The following EDC3 variants were observed in gnomAD, a reference collection of about 807,000 sequenced individuals.
EDC3 encodes the protein enhancer of mRNA-decapping protein 3.
A neutral mutation model predicts 41.8 loss-of-function variants in EDC3; 20 were observed. The observed-to-expected ratio is 0.48, with a 90% CI of 0.34 to 0.70. The LOEUF (loss-of-function observed/expected upper bound fraction) is 0.70. Among genes scored for constraint, EDC3 ranks in the 30% least tolerant of loss-of-function variants. EDC3 has a pLI of 0.01. For missense variants in EDC3, 444 were observed against 636.8 expected (o/e 0.70, Z 3.26); for synonymous variants, 206 against 243.2 (o/e 0.85, Z 1.42).
chr15:74,641,810 C>T (rs912125812), intron 4 of EDC3: 1 of 153,112 alleles, frequency 6.5e-6, no homozygotes. Context: ...TTCGCCTTCT[C>T]AACTTGTTCC....
chr15:74,684,658 G>A (rs1340404971), intron 1 of EDC3, among the ~76,000 whole-genome samples: 1 of 151,100 alleles, frequency 6.6e-6, no homozygotes. Context: ...AAATAATAAA[G>A]TTAAATAAGA....
chr15:74,678,881 C>T (rs1474374554), intron 1 of EDC3, among the ~76,000 whole-genome samples: 1 of 138,928 alleles, frequency 7.2e-6, no homozygotes, highest in Non-Finnish European at 1.5e-5. Context: ...CAGAGCGAGA[C>T]TCCGTCTCAG....
At chr15:74,687,506 T>C (rs940767220) in intron 1 of EDC3, among the ~76,000 whole-genome samples, 14 of 152,140 alleles carry the variant, frequency 9.2e-5, no homozygotes, top group Non-Finnish European at 8.8e-5. Context: ...GCCTCCTGAG[T>C]AGCTGGGACT....
At chr15:74,635,022 C>T in intron 6 of EDC3, 1 of 463,972 alleles carries the variant, frequency 2.2e-6, no homozygotes, top group Non-Finnish European at 4.3e-6. Flanking sequence ...GCCTCCTTTC[C>T]CTGCTTTGTT....
chr15:74,648,926 A>T (rs367974152), intron 4 of EDC3, among the ~76,000 whole-genome samples: 2 of 151,896 alleles, frequency 1.3e-5, no homozygotes, highest in African/African-American at 4.8e-5. Flanking sequence ...AATTCTAGTC[A>T]TTTTTTTTAA....
intron 5 of EDC3, 115 bp from the exon 6 acceptor site, chr15:74,635,741 C>G: frequency 1.0e-6 from 1 of 987,858 alleles, no homozygotes; most frequent in East Asian, 2.6e-5. Flanking sequence ...CCACTGCTCA[C>G]CAAGTCCCAG....
At chr15:74,636,060 C>G (rs573152455) in intron 5 of EDC3, 1 of 171,860 alleles carries the variant, frequency 5.8e-6, no homozygotes, top group African/African-American at 2.4e-5. Context: ...CCCAGAAAGC[C>G]TTTCACTTTC....
intron 1 of EDC3, among the ~76,000 whole-genome samples, chr15:74,686,460 C>G (rs528234715): frequency 9.2e-5 from 14 of 152,078 alleles, no homozygotes; most frequent in African/African-American, 2.9e-4. Flanking sequence ...GCACTCCAGC[C>G]TGGGCAACAA....
intron 6 of EDC3, among the ~76,000 whole-genome samples, chr15:74,634,223 G>C (rs1567151121): frequency 1.3e-5 from 2 of 152,018 alleles, no homozygotes; most frequent in African/African-American, 4.8e-5. Context: ...CCTAGAACGG[G>C]GCTTGCTGAC....
At chr15:74,676,384 C>G (rs1422016506) in intron 1 of EDC3, among the ~76,000 whole-genome samples, 22 of 151,944 alleles carry the variant, frequency 1.4e-4, no homozygotes, top group Non-Finnish European at 2.9e-5. Context: ...GAAAGGAAAT[C>G]AAGAGCAGAA....
At chr15:74,677,377 T>C (rs1684327172) in intron 1 of EDC3, among the ~76,000 whole-genome samples, 1 of 149,862 alleles carries the variant, frequency 6.7e-6, no homozygotes, top group Non-Finnish European at 1.5e-5. Context: ...TTTTTTTTTT[T>C]TTGGAGACTG....
At chr15:74,646,221 C>T (rs943112253) in intron 4 of EDC3, among the ~76,000 whole-genome samples, 2 of 151,914 alleles carry the variant, frequency 1.3e-5, no homozygotes, top group Non-Finnish European at 2.9e-5. Context: ...TACAGACGTG[C>T]ACCACCACGC....
chr15:74,687,671 G>C (rs1428430309), intron 1 of EDC3, among the ~76,000 whole-genome samples: 1 of 152,126 alleles, frequency 6.6e-6, no homozygotes, highest in Non-Finnish European at 1.5e-5. Context: ...ACTGTGCCTG[G>C]CCCTTGGGTA....
At position 74,671,596 on chromosome 15, in the gene EDC3, G is replaced by A; in HGVS notation, c.343C>T (p.Gln115Ter). 3 of 1,614,170 alleles carry A rather than the reference G, an allele frequency of 1.9e-6. No individual in the cohort carries two copies. Among genetic ancestry groups the A allele is most frequent in the Non-Finnish European group, 2.5e-6 (3 of 1,180,022 alleles). Residue 115 changes from glutamine (Q) to a stop codon, truncating the protein, a stop_gained, in exon 3 of 7, where the codon CAG (glutamine) becomes TAG (stop). Coordinates refer to ENST00000315127, the MANE Select transcript of EDC3 (RefSeq NM_025083.5). LOFTEE classifies it high-confidence loss of function. This position sits in a 1 kb window ranked among gnomAD's most constrained non-coding sequence, Gnocchi z 4.6. ...ACATCTGTCCTCTTAGGGATATTCT[G>A]AGGGGCACTGCTGGAAGAGGCTGGC... is the stretch of plus-strand genomic sequence containing the variant. ...KKPASSSSAP[Q>*]NIPKRTDVKS...
chr15:74,693,686 T>C (rs970632201), intron 1 of EDC3, among the ~76,000 whole-genome samples: 12 of 152,092 alleles, frequency 7.9e-5, no homozygotes, highest in African/African-American at 2.9e-4. Context: ...CACTCAGTTA[T>C]AGTAAGACTC....
At chr15:74,659,487 A>AATATATAT (rs10601683) in intron 3 of EDC3, among the ~76,000 whole-genome samples, 4 of 142,190 alleles carry the variant, frequency 2.8e-5, no homozygotes, top group African/African-American at 7.9e-5. Context: ...AAAAAATAGA[A>AATATATAT]ATATATATAT....
intron 1 of EDC3, among the ~76,000 whole-genome samples, chr15:74,677,229 A>C: frequency 6.6e-6 from 1 of 151,350 alleles, no homozygotes; most frequent in Non-Finnish European, 1.5e-5. Flanking sequence ...CACCTGGCTA[A>C]TTTTTGTATT....
intron 5 of EDC3, chr15:74,638,474 C>CATGT (rs2062303459): frequency 6.6e-6 from 1 of 151,960 alleles, no homozygotes; most frequent in Admixed American, 6.6e-5. Flanking sequence ...GCTGGGACTA[C>CATGT]AGGCACCTGC....
chr15:74,640,737 C>CT, intron 4 of EDC3, 118 bp from the exon 5 acceptor site: 1 of 1,262,386 alleles, frequency 7.9e-7, no homozygotes, highest in South Asian at 1.3e-5. Context: ...ACCCCTGGCC[C>CT]ATCCTCTTCA....
Sources: allele counts gnomAD v4.1 joint callset (sites outside exome capture counted in the v4.1 genomes callset), GRCh38; gene constraint gnomAD v4.1.1; non-coding constraint Gnocchi (gnomAD v3.1); transcripts MANE v1.5; gene names NCBI Gene and HGNC (gene_info 2026-07-23, HGNC 2026-07-21).